POLI: variants seen among roughly 807,000 people sequenced by gnomAD.
POLI encodes the protein DNA polymerase iota.
POLI carries 58 observed loss-of-function variants against 51.6 expected under a neutral mutation model. The ratio of observed to expected loss-of-function variants is 1.12; its 90% confidence interval spans 0.91 to 1.40. The LOEUF is 1.40. Among genes scored for constraint, POLI ranks in the 40% most tolerant of loss-of-function variants. The pLI is 0.00. For missense variants in POLI, 921 were observed against 871.3 expected, an observed-to-expected ratio of 1.06 and a Z score of -0.72; for synonymous variants, 322 against 299.7, an observed-to-expected ratio of 1.07 and a Z score of -0.77.
Position 54,277,808 on chromosome 18 carries a change from A to G in POLI, c.512A>G (p.Asp171Gly). 1.2e-6 allele frequency: 2 copies of G among 1,613,208 alleles called. No homozygotes were observed. Among genetic ancestry groups the G allele is most frequent in the South Asian group, 2.2e-5 (2 of 90,958 alleles). ...VEKRLQQLQS[D>G]ELSAVTVSGH... ...AAGAGACTACAGCAGCTGCAAAGTG[A>G]TGAACTTTCTGCGGTGACTGTGTCG... The change falls in exon 4 of 10, where the codon GAT becomes GGT. Residue 171 changes from aspartate (D) to glycine (G), a missense_variant. Coordinates refer to ENST00000579534, the MANE Select transcript of POLI (RefSeq NM_007195.3).
Position 54,269,530 on chromosome 18 carries a change from C to A in POLI, c.-17C>A. 6.6e-7 allele frequency: 1 copy of A among 1,506,568 alleles called. No homozygotes were observed. The highest frequency in any genetic ancestry group is 8.8e-7 in the Non-Finnish European group (1 of 1,131,892). The allele number at this position is 1,506,568 out of a possible 1,614,324, so 93.3% of individuals were successfully genotyped here. ...GCGGAAGCGGCCGGAAGTAGCGCTG[C>A]GGTTGGCAGCGGCGGGATGGAGAAG... On this transcript the variant is annotated 5_prime_UTR_variant, in exon 1 of 10. Transcript: ENST00000579534.
rs2087629437 is a variant in POLI at position 54,283,930 on chromosome 18, TGAA to T, written c.990_992del (p.Glu330del). On this transcript the variant is annotated inframe_deletion, in exon 7 of 10. Transcript: ENST00000579534. ...TTATGCTTCTTTGATAGTCCTTTAG[TGAA>T]GAAGATTCATTTAAAAAATGTTCAT... 7.8e-7 allele frequency: 1 copy of T among 1,275,554 alleles called. No homozygotes were observed. 79.0% of individuals were successfully genotyped at this position (1,275,554 alleles called of 1,614,324 possible).
In POLI at chr18:54,295,547, G is replaced by T; in HGVS notation, c.*1080G>T. On this transcript the variant is annotated 3_prime_UTR_variant, in exon 10 of 10. Transcript: ENST00000579534. ...ATTTTTGCACATATAATCTAAAGAA[G>T]AGACTTTAAAAATAAAGTACACAAA... The T allele has an allele frequency of 1.2e-6, 1 of 849,976 alleles. No homozygotes were observed. Among genetic ancestry groups the T allele is most frequent in the Non-Finnish European group, 1.4e-6 (1 of 706,878 alleles). The allele number at this position is 849,976 out of a possible 1,614,324, so 52.7% of individuals were successfully genotyped here.
At chr18:54,311,937 A>G (rs1345898025) in intron 3 of POLI, among the ~76,000 whole-genome samples, 4 of 152,186 alleles carry the variant, frequency 2.6e-5, no homozygotes, top group Non-Finnish European at 4.4e-5. Flanking sequence ...TAACATCTGA[A>G]TATTCACTTT....
At chr18:54,290,659 A>G (rs2087964436) in intron 8 of POLI, among the ~76,000 whole-genome samples, 1 of 152,188 alleles carries the variant, frequency 6.6e-6, no homozygotes. Context: ...ATAAAAAAGG[A>G]TGAGTTCATG....
rs1456585303 is a variant in POLI, at chr18:54,295,191, G to A, written c.*724G>A. ...AAGATGGACACCAGAAAGGCAAGGT[G>A]ATGGGCCTATAAGCATACTGGATAA... On this transcript the variant is annotated 3_prime_UTR_variant, in exon 10 of 10. Coordinates refer to ENST00000579534, the MANE Select transcript of POLI (RefSeq NM_007195.3). 2.0e-6 allele frequency: 2 copies of A among 985,316 alleles called. No individual in the cohort carries two copies. The highest frequency in any genetic ancestry group is 3.5e-5 in the African/African-American group (2 of 57,242). The allele number at this position is 985,316 out of a possible 1,614,324, so 61.0% of individuals were successfully genotyped here. A position where few individuals can be genotyped will look rare whatever the true frequency, so the allele number is the denominator to read the frequency against.
chr18:54,276,112 C>G (rs1027406930), intron 3 of POLI, among the ~76,000 whole-genome samples: 18 of 151,854 alleles, frequency 1.2e-4, no homozygotes, highest in African/African-American at 4.1e-4. Flanking sequence ...GGCATGGTGG[C>G]TTATGCCTGT....
chr18:54,270,033 G>T, intron 1 of POLI: 1 of 1,008,242 alleles, frequency 9.9e-7, no homozygotes, highest in East Asian at 9.9e-5. Flanking sequence ...TTGGCAGAAG[G>T]TGGGACCCGG....
Position 54,296,283 on chromosome 18 carries a change from C to G in POLI, c.*1816C>G. The G allele has an allele frequency of 1.0e-6, 1 of 985,142 alleles. No individual in the cohort carries two copies. The highest frequency in any genetic ancestry group is 1.2e-6 in the Non-Finnish European group (1 of 829,760). 61.0% of individuals were successfully genotyped at this position (985,142 alleles called of 1,614,324 possible). On this transcript the variant is annotated 3_prime_UTR_variant, in exon 10 of 10. Transcript: ENST00000579534. ...TTTTGGCCAGCTTAAAAAGAGAAAG[C>G]AAAATAGTTAAAAATACATTTCATA...
chr18:54,275,471 A>G (rs2087199767), intron 3 of POLI, among the ~76,000 whole-genome samples: 1 of 152,232 alleles, frequency 6.6e-6, no homozygotes. Context: ...TGTATAATGG[A>G]TATTATATAG....
chr18:54,285,410 A>G (rs1021200280), intron 7 of POLI, among the ~76,000 whole-genome samples: 5 of 151,916 alleles, frequency 3.3e-5, no homozygotes, highest in Admixed American at 1.3e-4. Context: ...GAAATTAACC[A>G]TTTGTCTGTA....
intron 3 of POLI, among the ~76,000 whole-genome samples, chr18:54,311,471 G>T (rs898874719): frequency 1.3e-5 from 2 of 152,020 alleles, no homozygotes; most frequent in Non-Finnish European, 2.9e-5. Context: ...ATTCCTTTTT[G>T]TTTCAAATTA....
At chr18:54,290,024 C>T (rs144098432) in intron 8 of POLI, among the ~76,000 whole-genome samples, 37,533 of 151,758 alleles carry the variant, frequency 0.25, 4,745 homozygotes, top group Middle Eastern at 0.29. Flanking sequence ...AAGAAACTAT[C>T]AGCAGAGTGA....
downstream of POLI, among the ~76,000 whole-genome samples, chr18:54,303,051 G>C (rs1411709884): frequency 1.3e-5 from 2 of 152,220 alleles, no homozygotes; most frequent in African/African-American, 4.8e-5. Flanking sequence ...TCCAGTATTT[G>C]TGAAAGCAAA....
chr18:54,272,781 A>G (rs543127442), intron 2 of POLI, among the ~76,000 whole-genome samples: 72 of 151,878 alleles, frequency 4.7e-4, no homozygotes, highest in Admixed American at 1.8e-3. Context: ...CAGTAGTGAC[A>G]TGCAGTGATG....
chr18:54,312,071 C>G (rs1040155563), intron 3 of POLI, among the ~76,000 whole-genome samples: 1 of 152,026 alleles, frequency 6.6e-6, no homozygotes, highest in East Asian at 1.9e-4. Context: ...GCATAGTATC[C>G]AATAGATAGT....
rs1324751501 is a variant in POLI at position 54,294,017 on chromosome 18, C to T, written c.1773C>T (p.Ser591=). 2 of 1,613,380 alleles carry T rather than the reference C, an allele frequency of 1.2e-6. No homozygotes were observed. The highest frequency in any genetic ancestry group is 2.7e-5 in the African/African-American group (2 of 74,922). Residue 591 remains serine, a synonymous_variant, in exon 10 of 10, where the codon AGC becomes AGT. Coordinates refer to ENST00000579534, the MANE Select transcript of POLI (RefSeq NM_007195.3). ...ATCCTAGAGATCATTTATCCAGTAG[C>T]AAACAGGTATCCTCTGTATCTCCTT... The part of the protein sequence containing the change: ...PINPRDHLSS[S]KQVSSVSPCE...
At chr18:54,280,942 TTTTA>T (rs776679479) in intron 5 of POLI, 39 bp downstream of exon 5, 2 of 1,031,176 alleles carry the variant, frequency 1.9e-6, no homozygotes, top group South Asian at 3.2e-5. Context: ...ATACGTCTTA[TTTTA>T]TTTCTTTTAA....
chr18:54,292,962 G>T lies in POLI; in HGVS notation c.1405-687G>T, dbSNP rs181773315. Reference sequence around the variant, plus strand: ...CTTGTATGTATTTGTCACACAGTAGGTAGTCAATAAATATAAGGGCCTGAA... The same window carrying T: ...CTTGTATGTATTTGTCACACAGTAGTTAGTCAATAAATATAAGGGCCTGAA... On this transcript the variant is annotated intron_variant, in intron 9 of 9. Coordinates refer to ENST00000579534, the MANE Select transcript of POLI (RefSeq NM_007195.3). 3.9e-5 allele frequency among the ~76,000 whole-genome samples: 6 copies of T among 152,060 alleles called. No individual in the cohort carries two copies. In the East Asian group the frequency reaches 1.2e-3, roughly 29 times the overall value.
Sources: allele counts gnomAD v4.1 joint callset (sites outside exome capture counted in the v4.1 genomes callset), GRCh38; gene constraint gnomAD v4.1.1; transcripts MANE v1.5; gene names NCBI Gene and HGNC (gene_info 2026-07-23, HGNC 2026-07-21).